The following IGSF9 variants were observed in gnomAD, a reference collection of about 807,000 sequenced individuals.
The protein encoded by IGSF9 is protein turtle homolog A.
Under a neutral mutation model 121.7 loss-of-function variants are expected in IGSF9, and 87 were observed. The observed-to-expected ratio is 0.71, with a 90% CI of 0.60 to 0.85. The LOEUF (loss-of-function observed/expected upper bound fraction) is 0.85. IGSF9 is among the 40% of genes least tolerant of loss of function. IGSF9 has a pLI of 0.00. For missense variants in IGSF9, 1,462 were observed against 1,565.3 expected (o/e 0.93, Z 1.11); for synonymous variants, 640 against 648.4 (o/e 0.99, Z 0.20).
chr1:159,941,232 C>T (rs923911322), intron 3 of IGSF9, among the ~76,000 whole-genome samples: 9 of 152,228 alleles, frequency 5.9e-5, no homozygotes, highest in Non-Finnish European at 1.2e-4. Context: ...GACCCATCTC[C>T]CCTTCACTGC....
rs1233018252 is a variant in IGSF9 at position 159,929,904 on chromosome 1, G to A, written c.2136C>T (p.Asn712=). 5 of 1,574,822 alleles carry A rather than the reference G, an allele frequency of 3.2e-6. No individual in the cohort carries two copies. The highest frequency in any genetic ancestry group is 1.3e-5 in the African/African-American group (1 of 74,124). Residue 712 remains asparagine, a synonymous_variant, in exon 16 of 21, where the codon AAC becomes AAT. Coordinates refer to ENST00000368094, the MANE Select transcript of IGSF9 (RefSeq NM_001135050.2). ...CCAGGTGCTCACCGGAAGTGGAGAC[G>A]TTGGCCGTGTTGCTGGGGTCGCTGA... ...SFVSDPSNTA[N]VSTSGLEVYP...
rs374768980 is a variant in IGSF9 at position 159,937,795 on chromosome 1, A to G, written c.291T>C (p.Gly97=). Residue 97 remains glycine (G), a synonymous_variant, in exon 4 of 21, where the codon GGT becomes GGC. Transcript: ENST00000368094. Reference sequence around the variant, plus strand: ...ACCAGCCCTGGTCTTCCACCCGGAGACCCTCAATCTGGAGAGAGGCCCCCT... The same window carrying G: ...ACCAGCCCTGGTCTTCCACCCGGAGGCCCTCAATCTGGAGAGAGGCCCCCT... ...LQKGASLQIE[G]LRVEDQGWYE... 105 of 1,613,802 alleles carry G rather than the reference A, an allele frequency of 6.5e-5. No individual in the cohort carries two copies. The Middle Eastern group carries it at 6.6e-4, about 10-fold the overall frequency.
rs1571207970 is a variant in IGSF9 at position 159,927,211 on chromosome 1, C to T, written c.*134G>A. On this transcript the variant is annotated 3_prime_UTR_variant, in exon 21 of 21. Coordinates refer to ENST00000368094, the MANE Select transcript of IGSF9 (RefSeq NM_001135050.2). ...ACATTCCATACCAAGGTGACCCAAA[C>T]CCACTATCAGGGTCTGTGCCTGGGC... The T allele has an allele frequency of 3.7e-6, 4 of 1,073,828 alleles. No homozygotes were observed. The highest frequency in any genetic ancestry group is 4.2e-6 in the Non-Finnish European group (3 of 711,202). 66.5% of individuals were successfully genotyped at this position (1,073,828 alleles called of 1,614,324 possible).
intron 3 of IGSF9, among the ~76,000 whole-genome samples, chr1:159,942,274 A>G (rs998934391): frequency 2.0e-5 from 3 of 152,190 alleles, no homozygotes; most frequent in African/African-American, 7.2e-5. Flanking sequence ...GCGCCCAGGG[A>G]GGCTACACAC....
Position 159,932,511 on chromosome 1 carries a change from C to T in IGSF9, c.1245+1G>A, listed in dbSNP as rs1651033313. 1.9e-6 allele frequency: 3 copies of T among 1,594,578 alleles called. No homozygotes were observed. Among genetic ancestry groups the T allele is most frequent in the Non-Finnish European group, 8.6e-7 (1 of 1,168,498 alleles). On this transcript the variant is annotated splice_donor_variant, in intron 10 of 20. Coordinates refer to ENST00000368094, the MANE Select transcript of IGSF9 (RefSeq NM_001135050.2). LOFTEE classifies it high-confidence loss of function. This position sits in a 1 kb window ranked among gnomAD's most constrained non-coding sequence, Gnocchi z 4.1. ...AGGCCCCCGCCCACCCCCGGCCTAA[C>T]CTTGAGCAGCACGCGGGTCACAGGA...
At position 159,943,455 on chromosome 1, in the gene IGSF9, A is replaced by G; in HGVS notation, c.-1T>C. On this transcript the variant is annotated 5_prime_UTR_variant, in exon 2 of 21. Coordinates refer to ENST00000368094, the MANE Select transcript of IGSF9 (RefSeq NM_001135050.2). ...CGGCCAGGCCGAGGCACCACACCAT[A>G]GCCCAGCTGGCCTGCTCACCCAGCC... 1 of 1,574,192 alleles carries G rather than the reference A, an allele frequency of 6.4e-7. No individual in the cohort carries two copies. The highest frequency in any genetic ancestry group is 8.6e-7 in the Non-Finnish European group (1 of 1,159,550).
At chr1:159,933,981 A>G (rs539084497) in intron 9 of IGSF9, 15 of 589,758 alleles carry the variant, frequency 2.5e-5, no homozygotes, top group Non-Finnish European at 4.4e-5. Flanking sequence ...CCCAAAGAAG[A>G]CACAAAACCA....
At position 159,928,559 on chromosome 1, in the gene IGSF9, C is replaced by CG. The variant is rs1403239016; in HGVS notation, c.2828dup (p.Leu944AlafsTer2). On this transcript the variant is annotated frameshift_variant, in exon 19 of 21. Transcript: ENST00000368094. LOFTEE classifies it high-confidence loss of function. Reference sequence around the variant, plus strand: ...GTGCAGCAGGGCTGGGCTCCTCAAGCGGGGGCCAGTCCCCATCCACATTCA... The same window carrying CG: ...GTGCAGCAGGGCTGGGCTCCTCAAGCGGGGGGCCAGTCCCCATCCACATTCA... 11 of 1,541,122 alleles carry CG rather than the reference C, an allele frequency of 7.1e-6. No individual in the cohort carries two copies. The highest frequency in any genetic ancestry group is 9.6e-6 in the Non-Finnish European group (11 of 1,142,470).
chr1:159,933,995 C>T, intron 9 of IGSF9, 195 bp downstream of exon 9: 1 of 642,542 alleles, frequency 1.6e-6, no homozygotes, highest in Non-Finnish European at 2.6e-6. Flanking sequence ...AAAACCACCA[C>T]TTTAAACCAT....
intron 6 of IGSF9, among the ~76,000 whole-genome samples, chr1:159,935,414 C>G (rs141242702): frequency 3.3e-5 from 5 of 152,326 alleles, no homozygotes; most frequent in African/African-American, 9.6e-5. Context: ...TATGTCAGCC[C>G]TCATGAACTC....
chr1:159,927,087 C>T lies in IGSF9; in HGVS notation c.*258G>A. Reference sequence around the variant, plus strand: ...ACCTGTAAAAAACTTCACACACACACACACACACACAGAGAGAGAGAGAGA... The same window carrying T: ...ACCTGTAAAAAACTTCACACACACATACACACACACAGAGAGAGAGAGAGA... On this transcript the variant is annotated 3_prime_UTR_variant, in exon 21 of 21. Coordinates refer to ENST00000368094, the MANE Select transcript of IGSF9 (RefSeq NM_001135050.2). 5.6e-6 allele frequency: 3 copies of T among 530,992 alleles called. No individual in the cohort carries two copies. Among genetic ancestry groups the T allele is most frequent in the Admixed American group, 7.0e-5 (2 of 28,388 alleles). The allele number at this position is 530,992 out of a possible 1,614,324, so 32.9% of individuals were successfully genotyped here. A position where few individuals can be genotyped will look rare whatever the true frequency, so the allele number is the denominator to read the frequency against.
chr1:159,932,882 C>A lies in IGSF9; in HGVS notation c.1105-230G>T. 1 of 484,408 alleles carries A rather than the reference C, an allele frequency of 2.1e-6. No homozygotes were observed. The highest frequency in any genetic ancestry group is 3.6e-6 in the Non-Finnish European group (1 of 276,594). The allele number at this position is 484,408 out of a possible 1,614,324, so 30.0% of individuals were successfully genotyped here. ...GACTGCACAACTCCAGGGGGTGCCA[C>A]TCACAGAAAATACACTGTGAATGGC... On this transcript the variant is annotated intron_variant, in intron 9 of 20. Transcript: ENST00000368094. This position sits in a 1 kb window ranked among gnomAD's most constrained non-coding sequence, Gnocchi z 4.1.
intron 9 of IGSF9, chr1:159,933,007 A>C (rs904854083): frequency 1.1e-5 from 2 of 183,314 alleles, no homozygotes; most frequent in Non-Finnish European, 2.3e-5. Flanking sequence ...TTCCACCCAA[A>C]ACCAGCTCCT....
At chr1:159,943,355 C>G (rs774697623) in intron 2 of IGSF9, 42 bp downstream of exon 2, 3 of 1,511,858 alleles carry the variant, frequency 2.0e-6, no homozygotes, top group Non-Finnish European at 2.7e-6. Context: ...ATACCCACCC[C>G]AAGGCTAACA....
At position 159,927,095 on chromosome 1, in the gene IGSF9, C is replaced by CAGAGAGAG. The variant is rs575352607; in HGVS notation, c.*249_*250insCTCTCTCT. 1,766 of 450,394 alleles carry CAGAGAGAG rather than the reference C, an allele frequency of 3.9e-3. 16 individuals carry two copies. Among genetic ancestry groups the CAGAGAGAG allele is most frequent in the Admixed American group, 0.019 (487 of 25,582 alleles). The allele number at this position is 450,394 out of a possible 1,614,324, so 27.9% of individuals were successfully genotyped here. ...AAAACTTCACACACACACACACACA[C>CAGAGAGAG]ACAGAGAGAGAGAGAGAGAGAGAGA... On this transcript the variant is annotated 3_prime_UTR_variant, in exon 21 of 21. Coordinates refer to ENST00000368094, the MANE Select transcript of IGSF9 (RefSeq NM_001135050.2).
rs1651024180 is a variant in IGSF9 at position 159,932,220 on chromosome 1, C to A, written c.1245+292G>T. On this transcript the variant is annotated intron_variant, in intron 10 of 20. Coordinates refer to ENST00000368094, the MANE Select transcript of IGSF9 (RefSeq NM_001135050.2). The surrounding 1 kb of genome is among the most constrained non-coding windows in gnomAD (Gnocchi z 4.1). ...TACAAACCTCTGCAGAACATTCTTC[C>A]TCCCAGAGCCCCAGAGAGGGAGGCA... 1 of 572,782 alleles carries A rather than the reference C, an allele frequency of 1.7e-6. No individual in the cohort carries two copies. The highest frequency in any genetic ancestry group is 3.1e-6 in the Non-Finnish European group (1 of 322,702). The allele number at this position is 572,782 out of a possible 1,614,324, so 35.5% of individuals were successfully genotyped here.
Position 159,931,780 on chromosome 1 carries a change from G to C in IGSF9, c.1362+32C>G. ...CGAGAGGCAGGGGTGTAGTGGGCGTGGGTACAGGCAGAGCGGGCTCAGGAG... is the reference window on the plus strand; with the variant it reads ...CGAGAGGCAGGGGTGTAGTGGGCGTCGGTACAGGCAGAGCGGGCTCAGGAG... On this transcript the variant is annotated intron_variant, in intron 11 of 20. Transcript: ENST00000368094. This position sits in a 1 kb window ranked among gnomAD's most constrained non-coding sequence, Gnocchi z 4.8. 2 of 1,486,486 alleles carry C rather than the reference G, an allele frequency of 1.3e-6. No homozygotes were observed. The highest frequency in any genetic ancestry group is 1.8e-6 in the Non-Finnish European group (2 of 1,091,198). The allele number at this position is 1,486,486 out of a possible 1,614,324, so 92.1% of individuals were successfully genotyped here. A position where few individuals can be genotyped will look rare whatever the true frequency, so the allele number is the denominator to read the frequency against.
chr1:159,927,552 G>A, intron 20 of IGSF9, 26 bp from the exon 21 acceptor site: 2 of 1,602,628 alleles, frequency 1.2e-6, no homozygotes, highest in Non-Finnish European at 1.7e-6. Flanking sequence ...AGGACAATGA[G>A]AAGAAGCCCT....
In IGSF9 at chr1:159,930,396, C is replaced by G; in HGVS notation, c.1857G>C (p.Glu619Asp). 1.3e-6 allele frequency: 2 copies of G among 1,568,994 alleles called. No homozygotes were observed. The highest frequency in any genetic ancestry group is 3.7e-5 in the Admixed American group (2 of 53,680). ...GCGGAGGGGACAGGGGAGGCGGTAT[C>G]TCTGTTGGGGGAAGCCCGGGTGCAG... ...TPAAPGLPPT[E>D]IPPPLSPPRG... is the part of the protein sequence containing the mutation. Residue 619 changes from glutamate to aspartate, a missense_variant, in exon 15 of 21, where the codon GAG becomes GAC. Glu to Asp is a conservative substitution (Grantham distance 45). Transcript: ENST00000368094.
Sources: allele counts gnomAD v4.1 joint callset (sites outside exome capture counted in the v4.1 genomes callset), GRCh38; gene constraint gnomAD v4.1.1; non-coding constraint Gnocchi (gnomAD v3.1); transcripts MANE v1.5; gene names NCBI Gene and HGNC (gene_info 2026-07-23, HGNC 2026-07-21).